SEM1: variants seen among roughly 807,000 people sequenced by gnomAD.
SEM1 encodes the protein 26S proteasome complex subunit SEM1.
A neutral mutation model predicts 12.7 loss-of-function variants in SEM1; 3 were observed. The observed-to-expected ratio is 0.24, with a 90% CI of 0.11 to 0.61. The LOEUF is 0.61. Among genes scored for constraint, SEM1 ranks in the 20% least tolerant of loss-of-function variants. SEM1 has a pLI of 0.88. For synonymous variants in SEM1, 30 were observed against 27.8 expected (o/e 1.08, Z -0.25); for missense variants, 59 against 81.3 (o/e 0.73, Z 1.06).
At chr7:96,676,717 CAT>C (rs1789458347) in intron 2 of SEM1, among the ~76,000 whole-genome samples, 1 of 152,080 alleles carries the variant, frequency 6.6e-6, no homozygotes. Context: ...TTACATTTCC[CAT>C]ATCTTTTTCT....
chr7:96,649,156 A>G (rs1238334920), intron 2 of SEM1: 1 of 152,222 alleles, frequency 6.6e-6, no homozygotes, highest in Non-Finnish European at 1.5e-5. Context: ...ACTGCAAATT[A>G]AAGCATCCAT....
chr7:96,601,200 T>C (rs916318252), intron 2 of SEM1, among the ~76,000 whole-genome samples: 1 of 152,230 alleles, frequency 6.6e-6, no homozygotes, highest in Non-Finnish European at 1.5e-5. Flanking sequence ...AGGTACTGTT[T>C]CAGGAACTTG....
At chr7:96,517,803 T>C (rs1804143021) in intron 2 of SEM1, among the ~76,000 whole-genome samples, 3 of 152,184 alleles carry the variant, frequency 2.0e-5, no homozygotes, top group African/African-American at 7.2e-5. Context: ...ACGTTTATTA[T>C]GTTGAGATAA....
intron 2 of SEM1, among the ~76,000 whole-genome samples, chr7:96,633,751 T>G (rs1229527346): frequency 1.3e-5 from 2 of 152,082 alleles, no homozygotes; most frequent in African/African-American, 2.4e-5. Context: ...AGAATACTCA[T>G]CATTATTGAA....
chr7:96,635,459 G>A (rs530183373), intron 2 of SEM1, among the ~76,000 whole-genome samples: 2 of 152,194 alleles, frequency 1.3e-5, no homozygotes, highest in East Asian at 1.9e-4. Context: ...AAATGTGCCC[G>A]CATGCTGGCA....
intron 2 of SEM1, among the ~76,000 whole-genome samples, chr7:96,593,968 A>G (rs1235200219): frequency 6.8e-6 from 1 of 147,136 alleles, no homozygotes; most frequent in Non-Finnish European, 1.5e-5. Context: ...TTTTGTATCT[A>G]TTTTGTTTCA....
At chr7:96,517,638 T>C (rs1005862409) in intron 2 of SEM1, among the ~76,000 whole-genome samples, 19 of 152,142 alleles carry the variant, frequency 1.2e-4, no homozygotes, top group Non-Finnish European at 4.4e-5. Context: ...ACTTTGCTGT[T>C]CCCTGATAGT....
intron 1 of SEM1, chr7:96,708,154 T>C (rs1204562736): frequency 3.3e-5 from 5 of 152,230 alleles, no homozygotes; most frequent in South Asian, 2.1e-4. Context: ...CTACCTTCAA[T>C]AGGCCAGCTT....
intron 2 of SEM1, among the ~76,000 whole-genome samples, chr7:96,535,086 G>A (rs1804748030): frequency 6.6e-6 from 1 of 151,906 alleles, no homozygotes; most frequent in South Asian, 2.1e-4. Flanking sequence ...TAACTCATAA[G>A]TTAGACATTA....
chr7:96,599,128 C>G (rs2116179741), intron 2 of SEM1, among the ~76,000 whole-genome samples: 1 of 152,152 alleles, frequency 6.6e-6, no homozygotes, highest in Non-Finnish European at 1.5e-5. Flanking sequence ...AGATTGCTTG[C>G]CTTTCTCTTT....
downstream of SEM1, chr7:96,688,012 T>C (rs1789813527): frequency 6.6e-6 from 1 of 152,164 alleles, no homozygotes; most frequent in Non-Finnish European, 1.5e-5. Context: ...CTGCACTGCA[T>C]TGTTACATAA....
chr7:96,502,292 T>C (rs1803590851), intron 3 of SEM1, among the ~76,000 whole-genome samples: 1 of 152,168 alleles, frequency 6.6e-6, no homozygotes, highest in South Asian at 2.1e-4. Context: ...GTATATGGCA[T>C]CTTTATCACA....
chr7:96,586,449 A>G (rs752593836), intron 2 of SEM1, among the ~76,000 whole-genome samples: 5 of 152,200 alleles, frequency 3.3e-5, no homozygotes, highest in African/African-American at 7.2e-5. Flanking sequence ...TGAAATAGCC[A>G]TAACTGCTGC....
chr7:96,693,760 TTGTGTGTGTGTG>T (rs566641071), intron 2 of SEM1, among the ~76,000 whole-genome samples: 8 of 139,568 alleles, frequency 5.7e-5, no homozygotes, highest in East Asian at 2.1e-4. Context: ...ACAATTCCAC[TTGTGTGTGTGTG>T]TGTGTGTGTG....
chr7:96,701,607 C>T (rs191335461), intron 1 of SEM1, among the ~76,000 whole-genome samples: 1 of 152,134 alleles, frequency 6.6e-6, no homozygotes, highest in African/African-American at 2.4e-5. Context: ...TCTTTCATGA[C>T]TCTAATAAAT....
chr7:96,585,676 G>A (rs148145921), intron 2 of SEM1, among the ~76,000 whole-genome samples: 6,397 of 152,280 alleles, frequency 0.042, 339 homozygotes, highest in Admixed American at 0.14. Flanking sequence ...CTGATGCGCT[G>A]TTTTTTAAGC....
chr7:96,493,827 A>G (rs868731409), intron 1 of SEM1, among the ~76,000 whole-genome samples: 3 of 152,276 alleles, frequency 2.0e-5, no homozygotes, highest in South Asian at 2.1e-4. Context: ...AATCTATGCC[A>G]TTGCTTTCTA....
intron 2 of SEM1, among the ~76,000 whole-genome samples, chr7:96,516,214 C>T (rs1449191273): frequency 3.3e-5 from 5 of 151,856 alleles, no homozygotes; most frequent in African/African-American, 1.2e-4. Flanking sequence ...AATCATGATC[C>T]AACAAAGAAA....
intron 2 of SEM1, among the ~76,000 whole-genome samples, chr7:96,694,421 C>G (rs1473795232): frequency 6.6e-6 from 1 of 151,908 alleles, no homozygotes; most frequent in African/African-American, 2.4e-5. Context: ...TCTCACAACC[C>G]CAATCTCCAT....
Sources: allele counts gnomAD v4.1 joint callset (sites outside exome capture counted in the v4.1 genomes callset), GRCh38; gene constraint gnomAD v4.1.1; transcripts MANE v1.5; gene names NCBI Gene and HGNC (gene_info 2026-07-23, HGNC 2026-07-21).